Variants in SEMA5A observed in about 807,000 individuals in gnomAD.
SEMA5A encodes the protein semaphorin 5A.
Under a neutral mutation model 135.5 loss-of-function variants are expected in SEMA5A, and 55 were observed. The observed-to-expected ratio is 0.41, with a 90% CI of 0.33 to 0.51. The LOEUF (loss-of-function observed/expected upper bound fraction) is 0.51. SEMA5A is among the 20% of genes least tolerant of loss of function. The probability of loss-of-function intolerance (pLI) is 0.37; values close to 1 mark genes in which losing one functional copy is unlikely to be tolerated. For missense variants in SEMA5A, 1,290 were observed against 1,419.9 expected (o/e 0.91, Z 1.47); for synonymous variants, 580 against 546.5 (o/e 1.06, Z -0.85).
intron 2 of SEMA5A, among the ~76,000 whole-genome samples, chr5:9,436,379 G>T (rs1013225914): frequency 2.0e-5 from 3 of 152,144 alleles, no homozygotes; most frequent in African/African-American, 7.2e-5. Flanking sequence ...GAATCTACGT[G>T]GGCTGGAGAA....
At chr5:9,242,772 A>G (rs10075485) in intron 5 of SEMA5A, among the ~76,000 whole-genome samples, 6 of 151,660 alleles carry the variant, frequency 4.0e-5, no homozygotes, top group African/African-American at 1.5e-4. Flanking sequence ...GGGAAAATAA[A>G]TTTTTTTTTA....
chr5:9,379,831 G>A lies in SEMA5A; in HGVS notation c.116C>T (p.Ser39Phe), dbSNP rs1372634489. The change falls in exon 3 of 23, where the codon TCC becomes TTC. Residue 39 changes from serine (S) to phenylalanine (F), a missense_variant. Transcript: ENST00000382496. ...GCGTGCTGGTTCCTTACCTTTATAG[G>A]AGATGACTGGATGCTCGGTTCTCTG... ...QCQRTEHPVI[S>F]YKEIGPWLRE... 1.2e-6 allele frequency: 2 copies of A among 1,613,768 alleles called. No individual in the cohort carries two copies. The highest frequency in any genetic ancestry group is 1.3e-5 in the African/African-American group (1 of 74,844).
intron 3 of SEMA5A, among the ~76,000 whole-genome samples, chr5:9,371,610 C>A (rs1307439192): frequency 2.0e-5 from 3 of 152,252 alleles, no homozygotes; most frequent in East Asian, 3.9e-4. Context: ...AAAAAGCAGG[C>A]AATGTGGTTA....
At chr5:9,290,811 C>T (rs1207014200) in intron 5 of SEMA5A, among the ~76,000 whole-genome samples, 1 of 152,062 alleles carries the variant, frequency 6.6e-6, no homozygotes, top group Non-Finnish European at 1.5e-5. Flanking sequence ...CCCTATAAAA[C>T]AGAAAATAAT....
At chr5:9,467,264 C>T (rs532680746) in intron 1 of SEMA5A, among the ~76,000 whole-genome samples, 20 of 152,282 alleles carry the variant, frequency 1.3e-4, no homozygotes, top group African/African-American at 4.8e-4. Flanking sequence ...AGGCATCAAC[C>T]ACTGTGCCTG....
At chr5:9,080,199 C>G (rs755892181) in intron 16 of SEMA5A, among the ~76,000 whole-genome samples, 1 of 152,056 alleles carries the variant, frequency 6.6e-6, no homozygotes, top group African/African-American at 2.4e-5. Context: ...ACATATACAC[C>G]GCGGAATACT....
At chr5:9,332,397 A>C (rs1426472116) in intron 4 of SEMA5A, among the ~76,000 whole-genome samples, 3 of 150,912 alleles carry the variant, frequency 2.0e-5, no homozygotes, top group Non-Finnish European at 4.4e-5. Context: ...TGGTACTCAC[A>C]TTAGGTCAGG....
intron 3 of SEMA5A, among the ~76,000 whole-genome samples, chr5:9,339,838 T>C (rs1214535345): frequency 6.6e-6 from 1 of 152,130 alleles, no homozygotes; most frequent in African/African-American, 2.4e-5. Flanking sequence ...ATAGAAAGAA[T>C]GGTCTGGAAA....
At chr5:9,468,487 T>C (rs546305026) in intron 1 of SEMA5A, among the ~76,000 whole-genome samples, 1 of 152,106 alleles carries the variant, frequency 6.6e-6, no homozygotes, top group Non-Finnish European at 1.5e-5. Flanking sequence ...AATTACAATA[T>C]GTTTCTAAAT....
chr5:9,332,689 T>C (rs1221107015), intron 4 of SEMA5A, among the ~76,000 whole-genome samples: 2 of 152,224 alleles, frequency 1.3e-5, no homozygotes, highest in African/African-American at 2.4e-5. Context: ...ATGTGAGGCA[T>C]GCAGCTATGG....
At chr5:9,383,758 C>T (rs1253962255) in intron 2 of SEMA5A, among the ~76,000 whole-genome samples, 2 of 152,256 alleles carry the variant, frequency 1.3e-5, no homozygotes, top group African/African-American at 2.4e-5. Context: ...TGCTTGTGAC[C>T]GCAACTGTCC....
At chr5:9,389,794 T>C (rs962114682) in intron 2 of SEMA5A, among the ~76,000 whole-genome samples, 12 of 152,198 alleles carry the variant, frequency 7.9e-5, no homozygotes, top group Non-Finnish European at 1.3e-4. Context: ...ATGAATTTTT[T>C]CCCACTTTTC....
At chr5:9,457,976 C>T (rs1318257537) in intron 1 of SEMA5A, among the ~76,000 whole-genome samples, 2 of 135,042 alleles carry the variant, frequency 1.5e-5, no homozygotes, top group South Asian at 2.4e-4. Context: ...GGCGCCATCT[C>T]GGCTCACTGC....
rs1757937909 is a variant in SEMA5A, at chr5:9,433,766, T to A, written c.-78+3990A>T. Among the ~76,000 whole-genome samples the A allele has an allele frequency of 2.6e-5, 4 of 152,130 alleles. No homozygotes were observed. The South Asian group carries it at 8.3e-4, about 32-fold the overall frequency. The stretch of plus-strand genomic sequence containing the variant: ...AACAATTAATAATACTACTCAAAGT[T>A]TTTGAGTAATGATATTCAAATTTGT... On this transcript the variant is annotated intron_variant, in intron 2 of 22. Coordinates refer to ENST00000382496, the MANE Select transcript of SEMA5A (RefSeq NM_003966.3).
intron 9 of SEMA5A, among the ~76,000 whole-genome samples, chr5:9,197,783 TG>T (rs1328574145): frequency 0.012 from 1,356 of 117,420 alleles, 10 homozygotes; most frequent in Non-Finnish European, 0.015. Context: ...TGTGTGTGTG[TG>T]TTTTAACCCA....
At chr5:9,454,208 G>T (rs569799467) in intron 1 of SEMA5A, among the ~76,000 whole-genome samples, 1 of 152,286 alleles carries the variant, frequency 6.6e-6, no homozygotes, top group East Asian at 1.9e-4. Context: ...GCTGAATGGA[G>T]GTAGGAGGCT....
intron 1 of SEMA5A, among the ~76,000 whole-genome samples, chr5:9,508,551 A>T (rs1343249508): frequency 6.6e-6 from 1 of 152,152 alleles, no homozygotes; most frequent in Non-Finnish European, 1.5e-5. Flanking sequence ...GGCTGCTGCA[A>T]ACTTTCTTAA....
intron 5 of SEMA5A, among the ~76,000 whole-genome samples, chr5:9,241,757 G>T (rs929718208): frequency 2.0e-5 from 3 of 152,062 alleles, no homozygotes; most frequent in Non-Finnish European, 4.4e-5. Flanking sequence ...AAGAAAAAGA[G>T]ATTGGCTCTT....
intron 1 of SEMA5A, among the ~76,000 whole-genome samples, chr5:9,482,584 C>T (rs1759916762): frequency 6.6e-6 from 1 of 152,180 alleles, no homozygotes; most frequent in African/African-American, 2.4e-5. Context: ...TGTTTAATGA[C>T]CACCCATCGG....
Sources: gnomAD v4.1 joint callset for allele counts (sites outside exome capture counted in the v4.1 genomes callset) on GRCh38, gnomAD v4.1.1 for gene constraint, MANE v1.5 for transcripts, NCBI Gene and HGNC (gene_info 2026-07-23, HGNC 2026-07-21) for gene names.